NAV1: variants seen among roughly 807,000 people sequenced by gnomAD.
NAV1 encodes the protein neuron navigator 1, also known as pore membrane and/or filament interacting like protein 3.
In NAV1, 18 loss-of-function variants were observed where a neutral mutation model predicts 175.2. The observed-to-expected ratio is 0.10, with a 90% CI of 0.07 to 0.15. NAV1 has a LOEUF of 0.15. NAV1 is among the 10% of genes least tolerant of loss of function. NAV1 has a pLI of 1.00. For synonymous variants in NAV1, 897 were observed against 978.7 expected, an observed-to-expected ratio of 0.92 and a Z score of 1.56; for missense variants, 1,731 against 2,436.6, an observed-to-expected ratio of 0.71 and a Z score of 6.10.
chr1:201,809,569 T>G (rs762045168), intron 22 of NAV1, 32 bp downstream of exon 26: 2 of 1,594,332 alleles, frequency 1.3e-6, no homozygotes, highest in Non-Finnish European at 1.7e-6. Context: ...AAAAGGTTGT[T>G]CATCCTCTCG....
chr1:201,576,414 G>T (rs1666690757), intron 1 of NAV1, among the ~76,000 whole-genome samples: 1 of 152,118 alleles, frequency 6.6e-6, no homozygotes, highest in African/African-American at 2.4e-5. Flanking sequence ...ATTATTGAAA[G>T]ACATGGGTTG....
At chr1:201,652,251 G>A (rs1288702695) in intron 1 of NAV1, among the ~76,000 whole-genome samples, 4 of 150,836 alleles carry the variant, frequency 2.7e-5, no homozygotes, top group African/African-American at 7.3e-5. Flanking sequence ...TTTCTGAGGC[G>A]GAGGGAGGGG....
intron 2 of NAV1, among the ~76,000 whole-genome samples, chr1:201,616,753 C>CTT (rs1668014136): frequency 6.6e-6 from 1 of 152,344 alleles, no homozygotes; most frequent in Admixed American, 6.5e-5. Context: ...TCCCAAAGTG[C>CTT]TGGGATTATA....
At chr1:201,713,001 C>T (rs1671976563) in intron 2 of NAV1, 82 bp downstream of exon 6, 3 of 989,216 alleles carry the variant, frequency 3.0e-6, no homozygotes, top group East Asian at 4.9e-5. Context: ...CCCCCGGGTC[C>T]CTCCACACCT....
At chr1:201,752,569 C>G (rs1325527310) in intron 3 of NAV1, among the ~76,000 whole-genome samples, 1 of 151,422 alleles carries the variant, frequency 6.6e-6, no homozygotes, top group Non-Finnish European at 1.5e-5. Context: ...CAGTCATCAC[C>G]TTAGACAAAG....
chr1:201,812,720 A>G lies in NAV1; in HGVS notation c.5221+59A>G, dbSNP rs1401385710. ...GGTGGCTTCCCTTTTCCACTGTACC[A>G]CCTGGAGGGATGCTCCCTTCTCTTC... On this transcript the variant is annotated intron_variant, in intron 27 of 29. Transcript: ENST00000367296. This position sits in a 1 kb window ranked among gnomAD's most constrained non-coding sequence, Gnocchi z 4.6. 7.0e-7 allele frequency: 1 copy of G among 1,430,076 alleles called. No individual in the cohort carries two copies. Among genetic ancestry groups the G allele is most frequent in the African/African-American group, 1.4e-5 (1 of 70,882 alleles). The allele number at this position is 1,430,076 out of a possible 1,614,324, so 88.6% of individuals were successfully genotyped here.
intron 2 of NAV1, among the ~76,000 whole-genome samples, chr1:201,589,289 T>C (rs959857217): frequency 1.8e-4 from 28 of 152,160 alleles, no homozygotes; most frequent in Non-Finnish European, 3.7e-4. Flanking sequence ...GAAACAGAGT[T>C]AAAAATAGAG....
chr1:201,713,256 G>A (rs1671988523), intron 2 of NAV1, among the ~76,000 whole-genome samples: 1 of 152,190 alleles, frequency 6.6e-6, no homozygotes, highest in South Asian at 2.1e-4. Context: ...TCCTCAATCT[G>A]TCAAGAGAAG....
At chr1:201,716,699 CA>C (rs1672155727) in intron 2 of NAV1, among the ~76,000 whole-genome samples, 1 of 152,084 alleles carries the variant, frequency 6.6e-6, no homozygotes. Context: ...GACAACATGG[CA>C]AAACCCCATC....
chr1:201,812,452 T>A lies in NAV1; in HGVS notation c.5025-13T>A. On this transcript the variant is annotated splice_polypyrimidine_tract_variant and intron_variant, in intron 26 of 29. Coordinates refer to ENST00000367296, the Ensembl canonical transcript of NAV1. This position sits in a 1 kb window ranked among gnomAD's most constrained non-coding sequence, Gnocchi z 4.6. ...TGCCACTCTGACCCCACTTTCCCCA[T>A]CCTTGGTGGCAGGATGTTGACCTTC... 1 of 1,613,788 alleles carries A rather than the reference T, an allele frequency of 6.2e-7. No individual in the cohort carries two copies. Among genetic ancestry groups the A allele is most frequent in the Non-Finnish European group, 8.5e-7 (1 of 1,179,926 alleles).
chr1:201,573,117 A>G (rs1432946580), intron 1 of NAV1, among the ~76,000 whole-genome samples: 1 of 152,258 alleles, frequency 6.6e-6, no homozygotes, highest in Non-Finnish European at 1.5e-5. Context: ...GTGTTGATCA[A>G]GCTCAGACTG....
intron 1 of NAV1, among the ~76,000 whole-genome samples, chr1:201,572,657 C>T (rs377224844): frequency 1.3e-5 from 2 of 152,040 alleles, no homozygotes; most frequent in South Asian, 2.1e-4. Flanking sequence ...CGTGAGCCAC[C>T]GCGCCTGGCC....
chr1:201,812,313 C>A lies in NAV1; in HGVS notation c.5025-152C>A. 1.3e-6 allele frequency: 1 copy of A among 752,488 alleles called. No homozygotes were observed. Among genetic ancestry groups the A allele is most frequent in the Non-Finnish European group, 2.1e-6 (1 of 466,022 alleles). 46.6% of individuals were successfully genotyped at this position (752,488 alleles called of 1,614,324 possible). On this transcript the variant is annotated intron_variant, in intron 26 of 29. Coordinates refer to ENST00000367296, the Ensembl canonical transcript of NAV1. The surrounding 1 kb of genome is among the most constrained non-coding windows in gnomAD (Gnocchi z 4.6). ...CAGCTCTACCACCCCAGGGCTGCTG[C>A]TCTGAGTTCCGATGTCCCCACTATT... is the stretch of plus-strand genomic sequence containing the variant.
intron 1 of NAV1, among the ~76,000 whole-genome samples, chr1:201,700,842 T>A (rs1430761713): frequency 6.6e-6 from 1 of 151,422 alleles, no homozygotes; most frequent in East Asian, 1.9e-4. Flanking sequence ...AAACCCCGTC[T>A]CTAATAAAAA....
intron 3 of NAV1, among the ~76,000 whole-genome samples, chr1:201,760,283 A>C (rs1674757855): frequency 6.6e-6 from 1 of 152,244 alleles, no homozygotes; most frequent in African/African-American, 2.4e-5. Flanking sequence ...CCTTGGCAAC[A>C]CGGTGAAACC....
Position 201,810,427 on chromosome 1 carries a change from A to G in NAV1, c.4562-96A>G. ...GGGGCAAGTGGCTCTGAGTTTCTTC[A>G]GGGGGCTCCTAGATAAAGAAAGAAA... On this transcript the variant is annotated intron_variant, in intron 23 of 29. Coordinates refer to ENST00000367296, the Ensembl canonical transcript of NAV1. The surrounding 1 kb of genome is among the most constrained non-coding windows in gnomAD (Gnocchi z 6.0). 1.7e-6 allele frequency: 2 copies of G among 1,203,628 alleles called. No individual in the cohort carries two copies. The highest frequency in any genetic ancestry group is 2.6e-5 in the East Asian group (1 of 38,994). 74.6% of individuals were successfully genotyped at this position (1,203,628 alleles called of 1,614,324 possible).
intron 13 of NAV1, chr1:201,793,351 T>A: frequency 1.3e-5 from 2 of 154,854 alleles, no homozygotes; most frequent in Non-Finnish European, 2.9e-5. Flanking sequence ...ACGCACCAAA[T>A]AGTTTCTGCC....
chr1:201,573,649 T>C (rs967679786), intron 1 of NAV1, among the ~76,000 whole-genome samples: 1 of 152,220 alleles, frequency 6.6e-6, no homozygotes, highest in Non-Finnish European at 1.5e-5. Context: ...CCCAGGGATC[T>C]TGTGATGATT....
intron 1 of NAV1, among the ~76,000 whole-genome samples, chr1:201,576,298 A>G (rs575070446): frequency 2.6e-3 from 392 of 152,354 alleles, no homozygotes; most frequent in South Asian, 8.5e-3. Context: ...TTCACTTAGC[A>G]TAATTCTGTG....
Sources: allele counts gnomAD v4.1 joint callset (sites outside exome capture counted in the v4.1 genomes callset), GRCh38; gene constraint gnomAD v4.1.1; non-coding constraint Gnocchi (gnomAD v3.1); transcripts MANE v1.5; gene names NCBI Gene and HGNC (gene_info 2026-07-23, HGNC 2026-07-21).